TICRR: variants seen among roughly 807,000 people sequenced by gnomAD.
The protein encoded by TICRR is TOPBP1 interacting checkpoint and replication regulator, also known as treslin.
In TICRR, 132 loss-of-function variants were observed where a neutral mutation model predicts 178.1. That is an observed-to-expected ratio of 0.74 (90% CI 0.64 to 0.86). TICRR has a LOEUF of 0.86. TICRR is among the 40% of genes least tolerant of loss of function. The probability of loss-of-function intolerance (pLI) is 0.00; values close to 1 mark genes in which losing one functional copy is unlikely to be tolerated. For synonymous variants in TICRR, 991 were observed against 900.7 expected (o/e 1.10, Z -1.79); for missense variants, 2,587 against 2,334.3 (o/e 1.11, Z -2.23).
intron 8 of TICRR, among the ~76,000 whole-genome samples, chr15:89,599,804 A>G (rs1482583649): frequency 6.6e-6 from 1 of 152,302 alleles, no homozygotes; most frequent in African/African-American, 2.4e-5. Flanking sequence ...CACTTACAGC[A>G]TTTAAAAAAT....
chr15:89,618,859 T>C (rs1188091295), intron 17 of TICRR, among the ~76,000 whole-genome samples: 1 of 152,186 alleles, frequency 6.6e-6, no homozygotes, highest in African/African-American at 2.4e-5. Flanking sequence ...CTCGGGAGGC[T>C]GAGGTGAGAG....
At chr15:89,617,604 C>T (rs1963355488) in intron 16 of TICRR, among the ~76,000 whole-genome samples, 1 of 152,162 alleles carries the variant, frequency 6.6e-6, no homozygotes, top group Non-Finnish European at 1.5e-5. Context: ...CTCACTGCAA[C>T]CTCTGCCTCC....
chr15:89,598,684 CA>C (rs1963041979), intron 7 of TICRR, among the ~76,000 whole-genome samples: 1 of 151,892 alleles, frequency 6.6e-6, no homozygotes, highest in East Asian at 1.9e-4. Flanking sequence ...AAATTTTTAA[CA>C]CTTAAACTTG....
intron 16 of TICRR, chr15:89,617,883 G>A (rs1262754272): frequency 2.9e-6 from 1 of 348,814 alleles, no homozygotes; most frequent in Non-Finnish European, 5.3e-6. Flanking sequence ...ATAGAGTCGG[G>A]GTTTCACCAT....
In TICRR at chr15:89,575,601, C is replaced by T; in HGVS notation, c.15C>T (p.His5=). ...GCACGGCCGATATGGCATGCTGTCA[C>T]AAAGTAATGCTGCTGCTGGACACCG... MACC[H]KVMLLLDTAG... is the part of the protein sequence containing the mutation. Residue 5 remains histidine (H), a synonymous_variant, in exon 1 of 22, where the codon CAC becomes CAT. Transcript: ENST00000268138. 6.6e-7 allele frequency: 1 copy of T among 1,507,572 alleles called. No individual in the cohort carries two copies. The highest frequency in any genetic ancestry group is 8.8e-7 in the Non-Finnish European group (1 of 1,134,584). 93.4% of individuals were successfully genotyped at this position (1,507,572 alleles called of 1,614,324 possible). A position where few individuals can be genotyped will look rare whatever the true frequency, so the allele number is the denominator to read the frequency against.
intron 15 of TICRR, among the ~76,000 whole-genome samples, chr15:89,614,179 T>G (rs146816209): frequency 2.1e-4 from 32 of 152,116 alleles, no homozygotes; most frequent in African/African-American, 6.7e-4. Context: ...AATAAATAAA[T>G]AAAGTCTTGT....
Position 89,582,881 on chromosome 15 carries a change from A to C in TICRR, c.850A>C (p.Thr284Pro). 1 of 1,614,198 alleles carries C rather than the reference A, an allele frequency of 6.2e-7. No individual in the cohort carries two copies. The highest frequency in any genetic ancestry group is 8.5e-7 in the Non-Finnish European group (1 of 1,180,010). Residue 284 changes from threonine to proline, a missense_variant, in exon 2 of 22, where the codon ACT (threonine) becomes CCT (proline). Coordinates refer to ENST00000268138, the MANE Select transcript of TICRR (RefSeq NM_152259.4). The part of the protein sequence containing the change: ...PWISMLPTDA[T>P]LNRLLYNSPE... Reference sequence around the variant, plus strand: ...GATTTCAATGCTGCCAACTGATGCCACTTTAAACCGTTTGCTCTACAATTC... The same window carrying C: ...GATTTCAATGCTGCCAACTGATGCCCCTTTAAACCGTTTGCTCTACAATTC...
Position 89,625,913 on chromosome 15 carries a change from C to T in TICRR, c.5477-23C>T, listed in dbSNP as rs771099293. ...CGGTTGGGGGTCTGGGGACGCTGCT[C>T]TTACTATGTGGGATCTCTTTAGGCT... On this transcript the variant is annotated intron_variant, in intron 20 of 21. Transcript: ENST00000268138. 29 of 1,549,456 alleles carry T rather than the reference C, an allele frequency of 1.9e-5. No homozygotes were observed. In the East Asian group the frequency reaches 2.0e-4, roughly 11 times the overall value.
At position 89,582,978 on chromosome 15, in the gene TICRR, T is replaced by C. The variant is rs1050561991; in HGVS notation, c.934+13T>C. The C allele has an allele frequency of 1.3e-6, 2 of 1,571,202 alleles. No individual in the cohort carries two copies. The highest frequency in any genetic ancestry group is 1.7e-6 in the Non-Finnish European group (2 of 1,164,278). ...CTCCCTGTTGAAGGTAAGCAAATAA[T>C]ATTTTAAGGTTTTTTTTTTTTTAAA... On this transcript the variant is annotated intron_variant, in intron 2 of 21. Coordinates refer to ENST00000268138, the MANE Select transcript of TICRR (RefSeq NM_152259.4).
chr15:89,590,738 CTTCCTA>C (rs1287098085), intron 4 of TICRR, among the ~76,000 whole-genome samples: 2 of 152,254 alleles, frequency 1.3e-5, no homozygotes, highest in Admixed American at 6.5e-5. Context: ...TGGATCTACT[CTTCCTA>C]TACTGGGAGC....
At position 89,575,765 on chromosome 15, in the gene TICRR, C is replaced by T. The variant is rs753522989; in HGVS notation, c.179C>T (p.Ser60Phe). ...TCGCAGGGGGCGCGGAGCCGGCCGT[C>T]CCGCGTGTCTGACTTCCGCGAGCTG... is the stretch of plus-strand genomic sequence containing the variant. ...FDSQGARSRP[S>F]RVSDFRELGS... The change falls in exon 1 of 22, where the codon TCC becomes TTC. Residue 60 changes from serine (S) to phenylalanine (F), a missense_variant. Physicochemically the swap from Ser to Phe is radical, Grantham distance 155. Transcript: ENST00000268138. The T allele has an allele frequency of 6.2e-7, 1 of 1,609,302 alleles. No individual in the cohort carries two copies. Among genetic ancestry groups the T allele is most frequent in the South Asian group, 1.1e-5 (1 of 90,522 alleles).
chr15:89,619,101 A>G (rs1567050868), intron 17 of TICRR, among the ~76,000 whole-genome samples: 1 of 152,196 alleles, frequency 6.6e-6, no homozygotes, highest in Non-Finnish European at 1.5e-5. Context: ...TAATTCCACA[A>G]CTCAGAAATA....
At position 89,622,205 on chromosome 15, in the gene TICRR, C is replaced by T. The variant is rs557663382; in HGVS notation, c.3312+655C>T. 2.0e-4 allele frequency among the ~76,000 whole-genome samples: 30 copies of T among 152,106 alleles called. 1 individual carries two copies. In the South Asian group the frequency reaches 5.8e-3, roughly 29 times the overall value. ...TTCACCATGTTGGCCAGGCTGGTCTCGAACTCCTGACCTCAAGTGATCCAC... is the reference window on the plus strand; with the variant it reads ...TTCACCATGTTGGCCAGGCTGGTCTTGAACTCCTGACCTCAAGTGATCCAC... On this transcript the variant is annotated intron_variant, in intron 19 of 21. Coordinates refer to ENST00000268138, the MANE Select transcript of TICRR (RefSeq NM_152259.4).
At position 89,581,726 on chromosome 15, in the gene TICRR, A is replaced by G. The variant is rs184563281; in HGVS notation, c.655-960A>G. Among the ~76,000 whole-genome samples, 401 of 152,316 alleles carry G rather than the reference A, an allele frequency of 2.6e-3. 1 individual carries two copies. Among genetic ancestry groups the G allele is most frequent in the Non-Finnish European group, 3.4e-3 (232 of 68,034 alleles). On this transcript the variant is annotated intron_variant, in intron 1 of 21. Transcript: ENST00000268138. ...GTGAAGGGCTTTGTGATTATGCTGAAGAGTTACTTTATTCTGGAGGCAGTG... is the reference window on the plus strand; with the variant it reads ...GTGAAGGGCTTTGTGATTATGCTGAGGAGTTACTTTATTCTGGAGGCAGTG...
Position 89,582,715 on chromosome 15 carries a change from C to T in TICRR, c.684C>T (p.Tyr228=). The T allele has an allele frequency of 6.2e-7, 1 of 1,614,156 alleles. No individual in the cohort carries two copies. The highest frequency in any genetic ancestry group is 8.5e-7 in the Non-Finnish European group (1 of 1,180,018). ...GGGAATCCCCAGACCACCTTGGATACTGGACTGTTTGTGAACTGCTCCACC... is the reference window on the plus strand; with the variant it reads ...GGGAATCCCCAGACCACCTTGGATATTGGACTGTTTGTGAACTGCTCCACC... ...KLWESPDHLG[Y]WTVCELLHHG... The change falls in exon 2 of 22, where the codon TAC becomes TAT. Residue 228 remains tyrosine (Y), a synonymous_variant. Transcript: ENST00000268138.
intron 21 of TICRR, among the ~76,000 whole-genome samples, chr15:89,626,269 G>C (rs1322920676): frequency 2.6e-5 from 4 of 152,252 alleles, no homozygotes; most frequent in South Asian, 2.1e-4. Flanking sequence ...TCAAAATCCT[G>C]CTAAAATTCC....
chr15:89,584,647 A>G (rs555185894), intron 3 of TICRR, 120 bp downstream of exon 3: 6 of 1,045,426 alleles, frequency 5.7e-6, no homozygotes, highest in African/African-American at 4.9e-5. Context: ...TGCTTTTGCA[A>G]ATAATATTGT....
Position 89,624,600 on chromosome 15 carries a change from T to C in TICRR, c.4290T>C (p.Ser1430=), listed in dbSNP as rs749240368. 6.2e-7 allele frequency: 1 copy of C among 1,613,808 alleles called. No homozygotes were observed. The highest frequency in any genetic ancestry group is 1.7e-5 in the Admixed American group (1 of 60,006). Residue 1430 remains serine (S), a synonymous_variant, in exon 20 of 22, where the codon TCT becomes TCC. Transcript: ENST00000268138. The part of the protein sequence containing the change: ...SRDDQKGLSL[S]PQSPPERRGY... ...ATGACCAGAAGGGACTGAGCCTCTC[T>C]CCTCAGTCTCCTCCTGAAAGACGGG...
intron 15 of TICRR, among the ~76,000 whole-genome samples, chr15:89,614,019 T>C (rs960119146): frequency 1.6e-4 from 24 of 151,968 alleles, no homozygotes; most frequent in Non-Finnish European, 5.9e-5. Context: ...CCGGGCGTGG[T>C]GGCGGGCGCC....
Sources: allele counts gnomAD v4.1 joint callset (sites outside exome capture counted in the v4.1 genomes callset), GRCh38; gene constraint gnomAD v4.1.1; transcripts MANE v1.5; gene names NCBI Gene and HGNC (gene_info 2026-07-23, HGNC 2026-07-21).